Variants in RBFOX1 observed in about 807,000 individuals in gnomAD.
RBFOX1 encodes RNA binding protein fox-1 homolog 1.
A neutral mutation model predicts 57.7 loss-of-function variants in RBFOX1; 8 were observed. The observed-to-expected ratio is 0.14, with a 90% CI of 0.08 to 0.25. The LOEUF is 0.25. Ranked by LOEUF, RBFOX1 falls within the 10% of genes least tolerant of loss-of-function variation. RBFOX1 has a pLI of 1.00. For synonymous variants in RBFOX1, 326 were observed against 222.4 expected, an observed-to-expected ratio of 1.47 and a Z score of -4.15; for missense variants, 611 against 548.5, an observed-to-expected ratio of 1.11 and a Z score of -1.14.
At chr16:7,290,321 C>T (rs373275096) in intron 4 of RBFOX1, among the ~76,000 whole-genome samples, 8 of 152,128 alleles carry the variant, frequency 5.3e-5, no homozygotes, top group African/African-American at 1.9e-4. Flanking sequence ...TCATTTCAGT[C>T]TTTTAATTTG....
chr16:7,503,257 A>G lies in RBFOX1; in HGVS notation c.28-14890A>G, dbSNP rs918502812. On this transcript the variant is annotated intron_variant, in intron 4 of 15. Transcript: ENST00000550418. ...GGTGACATTCTTAGTGGGATACCGT[A>G]GTCAGCAACGTTCACGGCAGAGTTG... 3.9e-5 allele frequency among the ~76,000 whole-genome samples: 6 copies of G among 152,194 alleles called. No homozygotes were observed. The South Asian group carries it at 1.2e-3, about 32-fold the overall frequency.
intron 4 of RBFOX1, among the ~76,000 whole-genome samples, chr16:7,112,535 C>A (rs2065008663): frequency 6.6e-6 from 1 of 152,022 alleles, no homozygotes; most frequent in South Asian, 2.1e-4. Flanking sequence ...CATATATTGT[C>A]CATCAAGTCA....
chr16:6,791,960 C>T (rs889402726), intron 3 of RBFOX1, among the ~76,000 whole-genome samples: 1 of 152,116 alleles, frequency 6.6e-6, no homozygotes, highest in Non-Finnish European at 1.5e-5. Context: ...GAATTCTATT[C>T]CCAAATGTGT....
intron 2 of RBFOX1, among the ~76,000 whole-genome samples, chr16:6,322,481 T>G (rs1470831421): frequency 2.0e-5 from 3 of 152,210 alleles, no homozygotes; most frequent in Non-Finnish European, 2.9e-5. Context: ...CACTTCTATG[T>G]AGATCTCTGT....
chr16:5,419,557 G>A (rs2067253245), intron 1 of RBFOX1, among the ~76,000 whole-genome samples: 1 of 151,824 alleles, frequency 6.6e-6, no homozygotes, highest in Admixed American at 6.6e-5. Context: ...AGGAACAATG[G>A]GTGTGTCTTT....
chr16:6,660,789 T>C (rs2154098112), intron 3 of RBFOX1, among the ~76,000 whole-genome samples: 1 of 152,248 alleles, frequency 6.6e-6, no homozygotes, highest in East Asian at 1.9e-4. Context: ...TATCCACACC[T>C]ACAGGCCTAC....
intron 1 of RBFOX1, among the ~76,000 whole-genome samples, chr16:6,074,470 T>A (rs1330736650): frequency 2.0e-5 from 3 of 152,190 alleles, no homozygotes; most frequent in Non-Finnish European, 4.4e-5. Flanking sequence ...TTCTACCACA[T>A]GCATTAATTT....
rs557820190 is a variant in RBFOX1, at chr16:6,260,810, G to A, written c.-126-56185G>A. Reference sequence around the variant, plus strand: ...GCAAGAGAATCGCTTGAACCTGGGAGGCAGAGGTTGCAGTTAGGTGAGATT... The same window carrying A: ...GCAAGAGAATCGCTTGAACCTGGGAAGCAGAGGTTGCAGTTAGGTGAGATT... On this transcript the variant is annotated intron_variant, in intron 1 of 15. Transcript: ENST00000550418. 3.4e-4 allele frequency among the ~76,000 whole-genome samples: 51 copies of A among 152,176 alleles called. 1 individual carries two copies. In the South Asian group the frequency reaches 0.011, roughly 32 times the overall value.
intron 4 of RBFOX1, among the ~76,000 whole-genome samples, chr16:7,233,004 T>G (rs974577704): frequency 6.6e-6 from 1 of 152,156 alleles, no homozygotes; most frequent in African/African-American, 2.4e-5. Flanking sequence ...CACCCTGCTT[T>G]CCTGGACTGC....
intron 1 of RBFOX1, among the ~76,000 whole-genome samples, chr16:6,275,716 A>T (rs2075732105): frequency 6.6e-6 from 1 of 152,226 alleles, no homozygotes; most frequent in Non-Finnish European, 1.5e-5. Flanking sequence ...TGGAGGAATT[A>T]ACAGTTTACT....
intron 3 of RBFOX1, among the ~76,000 whole-genome samples, chr16:5,727,479 A>T (rs1374324777): frequency 6.6e-6 from 1 of 152,188 alleles, no homozygotes; most frequent in Non-Finnish European, 1.5e-5. Context: ...TGACATAGTT[A>T]ACCTTTGTAT....
chr16:5,684,154 CATCCTAT>C (rs1162316726), intron 3 of RBFOX1, among the ~76,000 whole-genome samples: 2 of 152,164 alleles, frequency 1.3e-5, no homozygotes, highest in Non-Finnish European at 2.9e-5. Context: ...AAGGCCATCT[CATCCTAT>C]ATCTAAAAAG....
intron 11 of RBFOX1, among the ~76,000 whole-genome samples, chr16:7,645,163 C>G (rs1006360855): frequency 6.6e-6 from 1 of 152,042 alleles, no homozygotes; most frequent in Non-Finnish European, 1.5e-5. Flanking sequence ...TCGATGCATC[C>G]CAATCAGACC....
chr16:5,905,591 C>T (rs1303549268), intron 4 of RBFOX1, among the ~76,000 whole-genome samples: 3 of 152,086 alleles, frequency 2.0e-5, no homozygotes, highest in Admixed American at 2.0e-4. Flanking sequence ...TACACATCTG[C>T]CGTCATGGCT....
At chr16:6,628,791 A>AGAATGAC (rs2098343673) in intron 2 of RBFOX1, among the ~76,000 whole-genome samples, 1 of 152,172 alleles carries the variant, frequency 6.6e-6, no homozygotes, top group African/African-American at 2.4e-5. Context: ...CATTCTTCCA[A>AGAATGAC]AGTTTAGGTA....
intron 2 of RBFOX1, among the ~76,000 whole-genome samples, chr16:6,338,479 C>G (rs2084072716): frequency 6.6e-6 from 1 of 152,160 alleles, no homozygotes; most frequent in Non-Finnish European, 1.5e-5. Context: ...ATGAGTTGAT[C>G]TTTATTAATA....
chr16:5,940,669 G>C (rs1004063987), intron 4 of RBFOX1, among the ~76,000 whole-genome samples: 1 of 152,214 alleles, frequency 6.6e-6, no homozygotes, highest in African/African-American at 2.4e-5. Flanking sequence ...AGCACCCGTG[G>C]TAAATCACCA....
intron 4 of RBFOX1, among the ~76,000 whole-genome samples, chr16:7,126,965 C>T (rs532476131): frequency 1.1e-4 from 16 of 149,670 alleles, no homozygotes; most frequent in Admixed American, 2.0e-4. Context: ...GCCAAGATCG[C>T]GCCACTACAC....
At chr16:6,094,431 C>T (rs1275905994) in intron 1 of RBFOX1, among the ~76,000 whole-genome samples, 1 of 152,150 alleles carries the variant, frequency 6.6e-6, no homozygotes, top group Non-Finnish European at 1.5e-5. Context: ...CTTGGACTCA[C>T]AGAGAAAGGC....
Sources: allele counts gnomAD v4.1 joint callset (sites outside exome capture counted in the v4.1 genomes callset), GRCh38; gene constraint gnomAD v4.1.1; transcripts MANE v1.5; gene names NCBI Gene and HGNC (gene_info 2026-07-23, HGNC 2026-07-21).